CNTNAP4: variants seen among roughly 807,000 people sequenced by gnomAD.
CNTNAP4 encodes contactin associated protein family member 4.
Under a neutral mutation model 148.4 loss-of-function variants are expected in CNTNAP4, and 98 were observed. The ratio of observed to expected loss-of-function variants is 0.66; its 90% CI spans 0.56 to 0.78. The LOEUF (loss-of-function observed/expected upper bound fraction) is 0.78, where lower values mean the gene tolerates loss of function less well. CNTNAP4 is among the 30% of genes least tolerant of loss of function. The pLI, the probability that CNTNAP4 is intolerant of heterozygous loss-of-function variation, is 0.00. For synonymous variants in CNTNAP4, 730 were observed against 565.1 expected, an observed-to-expected ratio of 1.29 and a Z score of -4.14; for missense variants, 1,935 against 1,565.6, an observed-to-expected ratio of 1.24 and a Z score of -3.98.
At chr16:76,380,744 A>G (rs1000144548) in intron 3 of CNTNAP4, among the ~76,000 whole-genome samples, 2 of 152,192 alleles carry the variant, frequency 1.3e-5, no homozygotes, top group African/African-American at 4.8e-5. Flanking sequence ...AACACCACGT[A>G]CTTAAACCAT....
intron 5 of CNTNAP4, 58 bp from the exon 6 acceptor site, chr16:76,448,709 T>C (rs1463599687): frequency 6.9e-6 from 4 of 579,190 alleles, no homozygotes; most frequent in Non-Finnish European, 9.7e-6. Flanking sequence ...GAAGGGAACC[T>C]TTTTTTTTTT....
At chr16:76,474,892 A>G (rs1450170710) in intron 10 of CNTNAP4, among the ~76,000 whole-genome samples, 1 of 152,222 alleles carries the variant, frequency 6.6e-6, no homozygotes, top group African/African-American at 2.4e-5. Flanking sequence ...TTTTGAAAAA[A>G]ATAATATACA....
chr16:76,462,159 C>A, intron 9 of CNTNAP4, 54 bp downstream of exon 9: 3 of 1,481,528 alleles, frequency 2.0e-6, no homozygotes, highest in East Asian at 2.3e-5. Context: ...GCATTAGTGC[C>A]CCCGTGTCTT....
intron 3 of CNTNAP4, among the ~76,000 whole-genome samples, chr16:76,404,310 A>G (rs1597437131): frequency 6.6e-6 from 1 of 152,326 alleles, no homozygotes; most frequent in East Asian, 1.9e-4. Flanking sequence ...ATAACAAAAA[A>G]GCATATCAGG....
rs565563621 is a variant in CNTNAP4, at chr16:76,544,070, A to G, written c.3442+3280A>G. ...TCGTGATAACAAAATGTGCCTTTGT[A>G]TCGACATGAGTGTAATGTGCCCCAA... On this transcript the variant is annotated intron_variant, in intron 21 of 23. Transcript: ENST00000611870. Among the ~76,000 whole-genome samples, 28 of 152,298 alleles carry G rather than the reference A, an allele frequency of 1.8e-4. No homozygotes were observed. The South Asian group carries it at 5.6e-3, about 30-fold the overall frequency.
chr16:76,331,489 G>GT (rs1418787865), intron 2 of CNTNAP4, among the ~76,000 whole-genome samples: 1 of 149,962 alleles, frequency 6.7e-6, no homozygotes, highest in East Asian at 2.0e-4. Context: ...CGGCCGGCCT[G>GT]TTTTTTCTTT....
At chr16:76,352,480 A>G (rs1456743969) in intron 2 of CNTNAP4, among the ~76,000 whole-genome samples, 1 of 152,116 alleles carries the variant, frequency 6.6e-6, no homozygotes, top group Non-Finnish European at 1.5e-5. Flanking sequence ...CCACCTTTGC[A>G]TCCTGACCTA....
intron 3 of CNTNAP4, among the ~76,000 whole-genome samples, chr16:76,405,447 C>A (rs551883714): frequency 1.3e-5 from 2 of 152,070 alleles, no homozygotes; most frequent in Non-Finnish European, 2.9e-5. Flanking sequence ...ACCTTTGATA[C>A]CCCAAAAAGG....
intron 15 of CNTNAP4, among the ~76,000 whole-genome samples, chr16:76,519,422 T>A (rs935336205): frequency 6.6e-6 from 1 of 152,176 alleles, no homozygotes; most frequent in African/African-American, 2.4e-5. Flanking sequence ...AAAAAATAAA[T>A]GTTATGTCAT....
chr16:76,468,674 CAG>C (rs2081262198), intron 10 of CNTNAP4, among the ~76,000 whole-genome samples: 1 of 151,772 alleles, frequency 6.6e-6, no homozygotes, highest in South Asian at 2.1e-4. Flanking sequence ...TTTGTAGAGA[CAG>C]GGTTTTGCCA....
At chr16:76,292,097 T>C (rs1344600793) in intron 1 of CNTNAP4, among the ~76,000 whole-genome samples, 1 of 152,226 alleles carries the variant, frequency 6.6e-6, no homozygotes, top group Non-Finnish European at 1.5e-5. Flanking sequence ...CTTGTAGTAG[T>C]ATATGGCTCC....
At chr16:76,516,511 C>G (rs1054865400) in intron 15 of CNTNAP4, among the ~76,000 whole-genome samples, 2 of 152,206 alleles carry the variant, frequency 1.3e-5, no homozygotes, top group Non-Finnish European at 2.9e-5. Flanking sequence ...CACTGTCTTC[C>G]ACAATGGTTT....
Position 76,384,985 on chromosome 16 carries a change from C to T in CNTNAP4, c.390+29474C>T, listed in dbSNP as rs149038720. Among the ~76,000 whole-genome samples, 220 of 152,198 alleles carry T rather than the reference C, an allele frequency of 1.4e-3. 3 individuals are homozygous for T. Among genetic ancestry groups the T allele is most frequent in the Middle Eastern group, 6.8e-3 (2 of 294 alleles). ...ACAGTCAGCATTCAACCGGTTGCAACATTTTTTGAAGGAAAATAGCCTAAG... is the reference window on the plus strand; with the variant it reads ...ACAGTCAGCATTCAACCGGTTGCAATATTTTTTGAAGGAAAATAGCCTAAG... On this transcript the variant is annotated intron_variant, in intron 3 of 23. Coordinates refer to ENST00000611870, the MANE Select transcript of CNTNAP4 (RefSeq NM_033401.5).
rs2078618141 is a variant in CNTNAP4 at position 76,406,949 on chromosome 16, A to G, written c.391-20503A>G. 1.3e-5 allele frequency among the ~76,000 whole-genome samples: 2 copies of G among 152,014 alleles called. 1 individual carries two copies. The highest frequency in any genetic ancestry group is 2.9e-5 in the Non-Finnish European group (2 of 68,022). ...TAAGATCATAGGTAAAGGTGGCTAC[A>G]CTAAACAACAGATTTTCAGCATAGA... On this transcript the variant is annotated intron_variant, in intron 3 of 23. Coordinates refer to ENST00000611870, the MANE Select transcript of CNTNAP4 (RefSeq NM_033401.5).
chr16:76,505,542 G>A (rs1206911645), intron 15 of CNTNAP4, among the ~76,000 whole-genome samples: 1 of 97,026 alleles, frequency 1.0e-5, no homozygotes, highest in African/African-American at 2.6e-5. Context: ...ATATCTTGAG[G>A]GTGGTGGTGT....
intron 20 of CNTNAP4, among the ~76,000 whole-genome samples, chr16:76,540,473 G>A (rs2084401142): frequency 6.6e-6 from 1 of 151,406 alleles, no homozygotes; most frequent in Non-Finnish European, 1.5e-5. Context: ...GGCATCTGAG[G>A]GTAGTATAGA....
intron 2 of CNTNAP4, among the ~76,000 whole-genome samples, chr16:76,344,056 A>G (rs147531284): frequency 1.2e-4 from 19 of 152,328 alleles, no homozygotes; most frequent in Middle Eastern, 3.4e-3. Flanking sequence ...ATGCATGCAT[A>G]GGGGAATATT....
At chr16:76,413,146 C>T (rs966027375) in intron 3 of CNTNAP4, among the ~76,000 whole-genome samples, 9 of 151,136 alleles carry the variant, frequency 6.0e-5, no homozygotes, top group African/African-American at 1.7e-4. Flanking sequence ...TTAAAATGTA[C>T]AGTTATTATT....
chr16:76,487,630 A>T (rs9923842), intron 12 of CNTNAP4, among the ~76,000 whole-genome samples: 48 of 152,266 alleles, frequency 3.2e-4, no homozygotes, highest in African/African-American at 1.1e-3. Flanking sequence ...CTCAAAATCT[A>T]TTGTGACAAT....
Sources: allele counts gnomAD v4.1 joint callset (sites outside exome capture counted in the v4.1 genomes callset), GRCh38; gene constraint gnomAD v4.1.1; transcripts MANE v1.5; gene names NCBI Gene and HGNC (gene_info 2026-07-23, HGNC 2026-07-21).